CPO: variants seen among roughly 807,000 people sequenced by gnomAD.
CPO encodes carboxypeptidase O.
Under a neutral mutation model 41.2 loss-of-function variants are expected in CPO, and 43 were observed. The ratio of observed to expected loss-of-function variants is 1.04; its 90% CI spans 0.82 to 1.35. The LOEUF is 1.35. Among genes scored for constraint, CPO ranks in the 40% most tolerant of loss-of-function variants. The pLI is 0.00. For synonymous variants in CPO, 178 were observed against 162.7 expected (o/e 1.09, Z -0.72); for missense variants, 408 against 451.7 (o/e 0.90, Z 0.88).
chr2:206,969,333 T>C lies in CPO; in HGVS notation c.1022T>C (p.Leu341Pro). The C allele has an allele frequency of 6.2e-7, 1 of 1,614,066 alleles. No individual in the cohort carries two copies. The highest frequency in any genetic ancestry group is 8.5e-7 in the Non-Finnish European group (1 of 1,180,002). ...ACCATGGAGGCTGTGCTGTCAGTCC[T>C]GGATGATGTGTATGCGAAACACTGG... Reference protein sequence around the residue: ...EETMEAVLSVLDDVYAKHWHS... With the variant: ...EETMEAVLSVPDDVYAKHWHS... Residue 341 changes from leucine to proline, a missense_variant, in exon 9 of 9, where the codon CTG (leucine) becomes CCG (proline). Transcript: ENST00000272852.
intron 5 of CPO, among the ~76,000 whole-genome samples, chr2:206,960,007 AT>A (rs1211384105): frequency 6.6e-6 from 1 of 152,100 alleles, no homozygotes; most frequent in Non-Finnish European, 1.5e-5. Context: ...CATCTTCTTA[AT>A]GTTTGTGGAT....
At chr2:206,959,817 C>A in intron 5 of CPO, 76 bp downstream of exon 5, 1 of 687,304 alleles carries the variant, frequency 1.5e-6, no homozygotes. Context: ...CCAATGTTAT[C>A]CATTCCGGCT....
chr2:206,967,455 G>C (rs1693603382), intron 7 of CPO, among the ~76,000 whole-genome samples: 1 of 151,934 alleles, frequency 6.6e-6, no homozygotes, highest in South Asian at 2.1e-4. Flanking sequence ...ACAGCTATGG[G>C]GATTCAAAGT....
intron 6 of CPO, 69 bp downstream of exon 6, chr2:206,961,011 T>A: frequency 1.8e-6 from 2 of 1,093,574 alleles, no homozygotes; most frequent in Non-Finnish European, 2.8e-6. Context: ...GGTGAATTAC[T>A]AAATGTATAA....
intron 8 of CPO, 63 bp from the exon 9 acceptor site, chr2:206,969,111 G>A: frequency 6.5e-7 from 1 of 1,529,274 alleles, no homozygotes; most frequent in South Asian, 1.1e-5. Context: ...TCCTGAAATG[G>A]CTATAGAAAT....
At chr2:206,946,691 G>T (rs1693152308) in intron 1 of CPO, among the ~76,000 whole-genome samples, 1 of 151,738 alleles carries the variant, frequency 6.6e-6, no homozygotes, top group African/African-American at 2.4e-5. Flanking sequence ...AAGATGACAT[G>T]ATTATCAATG....
At chr2:206,942,213 G>A (rs924505432) in intron 1 of CPO, among the ~76,000 whole-genome samples, 2 of 151,818 alleles carry the variant, frequency 1.3e-5, no homozygotes, top group Non-Finnish European at 2.9e-5. Context: ...ACAAAGAAAC[G>A]AATACAAAAT....
intron 6 of CPO, among the ~76,000 whole-genome samples, chr2:206,961,937 C>T (rs1346188307): frequency 1.4e-5 from 2 of 140,100 alleles, no homozygotes; most frequent in African/African-American, 2.6e-5. Flanking sequence ...CTAAAAATAC[C>T]AAAAAAAAAA....
chr2:206,958,887 A>G (rs1390044210), intron 4 of CPO, among the ~76,000 whole-genome samples: 1 of 151,736 alleles, frequency 6.6e-6, no homozygotes, highest in African/African-American at 2.4e-5. Flanking sequence ...GATTACAGGC[A>G]TGCACCACCA....
chr2:206,944,290 A>T (rs1255921665), intron 1 of CPO, among the ~76,000 whole-genome samples: 2 of 152,032 alleles, frequency 1.3e-5, no homozygotes, highest in African/African-American at 4.8e-5. Context: ...GTATGTTAAG[A>T]ATGAATTTTT....
In CPO at chr2:206,939,595, G is replaced by A. The variant is rs949754900; in HGVS notation, c.-5G>A. Reference sequence around the variant, plus strand: ...CCAGAATTTTCTAACTTACTGTGTGGCAGAATGAAGCCTCTGCTTGAAACC... The same window carrying A: ...CCAGAATTTTCTAACTTACTGTGTGACAGAATGAAGCCTCTGCTTGAAACC... On this transcript the variant is annotated 5_prime_UTR_variant, in exon 1 of 9. Transcript: ENST00000272852. The A allele has an allele frequency of 6.2e-6, 10 of 1,610,192 alleles. No homozygotes were observed. In the Admixed American group the frequency reaches 1.5e-4, roughly 24 times the overall value.
rs771821625 is a variant in CPO, at chr2:206,955,471, G to A, written c.174G>A (p.Glu58=). The A allele has an allele frequency of 7.5e-6, 12 of 1,605,206 alleles. No individual in the cohort carries two copies. The highest frequency in any genetic ancestry group is 1.0e-5 in the Non-Finnish European group (12 of 1,171,810). Residue 58 remains glutamate, a synonymous_variant, in exon 3 of 9, where the codon GAG becomes GAA. Coordinates refer to ENST00000272852, the MANE Select transcript of CPO (RefSeq NM_173077.3). The part of the protein sequence containing the change: ...NIYHPMGEIY[E]WMREISEKYK... ...CTCCCTTGCTGTTTCAGATCTATGA[G>A]TGGATGAGAGAGATCAGTGAGAAGT...
intron 2 of CPO, 35 bp from the exon 3 acceptor site, chr2:206,955,428 C>A: frequency 8.2e-7 from 1 of 1,220,634 alleles, no homozygotes; most frequent in Non-Finnish European, 1.2e-6. Context: ...AACAATCTTC[C>A]TACTGATAGC....
chr2:206,944,750 T>C (rs887383733), intron 1 of CPO, among the ~76,000 whole-genome samples: 3 of 152,064 alleles, frequency 2.0e-5, no homozygotes, highest in African/African-American at 7.2e-5. Flanking sequence ...ATAATAAATC[T>C]AACTCTAAGT....
intron 7 of CPO, among the ~76,000 whole-genome samples, chr2:206,965,253 A>G (rs1693550724): frequency 6.6e-6 from 1 of 152,184 alleles, no homozygotes; most frequent in African/African-American, 2.4e-5. Context: ...TGAATATTTT[A>G]CTACCACACG....
In CPO at chr2:206,939,529, G is replaced by A. The variant is rs1692989964; in HGVS notation, c.-71G>A. 4.2e-6 allele frequency: 5 copies of A among 1,178,846 alleles called. No homozygotes were observed. Among genetic ancestry groups the A allele is most frequent in the Non-Finnish European group, 6.3e-6 (5 of 789,952 alleles). The allele number at this position is 1,178,846 out of a possible 1,614,324, so 73.0% of individuals were successfully genotyped here. On this transcript the variant is annotated 5_prime_UTR_variant, in exon 1 of 9. The change abolishes an upstream ATG in the 5' untranslated region. Transcript: ENST00000272852. ...TGATTGTGGGAGCCACAGTCTTGATGCATTCATTCTCAAGGACACTTGATC... is the reference window on the plus strand; with the variant it reads ...TGATTGTGGGAGCCACAGTCTTGATACATTCATTCTCAAGGACACTTGATC...
At chr2:206,942,570 C>G (rs1693049210) in intron 1 of CPO, among the ~76,000 whole-genome samples, 1 of 152,076 alleles carries the variant, frequency 6.6e-6, no homozygotes, top group Non-Finnish European at 1.5e-5. Context: ...AAAATGCTAT[C>G]AGACCATCAT....
chr2:206,947,834 T>A lies in CPO; in HGVS notation c.69-1783T>A, dbSNP rs200823298. On this transcript the variant is annotated intron_variant, in intron 1 of 8. Coordinates refer to ENST00000272852, the MANE Select transcript of CPO (RefSeq NM_173077.3). ...TCATATGTCACTAGGGAATCACAAA[T>A]TAAAATAAGATGATAATACTTGTTA... Among the ~76,000 whole-genome samples, 6 of 152,128 alleles carry A rather than the reference T, an allele frequency of 3.9e-5. No homozygotes were observed. In the East Asian group the frequency reaches 1.2e-3, roughly 29 times the overall value.
At chr2:206,953,065 G>A (rs1370171194) in intron 2 of CPO, among the ~76,000 whole-genome samples, 1 of 151,992 alleles carries the variant, frequency 6.6e-6, no homozygotes, top group Non-Finnish European at 1.5e-5. Context: ...TGATATCTGG[G>A]GACTATAGAA....
Sources: allele counts gnomAD v4.1 joint callset (sites outside exome capture counted in the v4.1 genomes callset), GRCh38; gene constraint gnomAD v4.1.1; transcripts MANE v1.5; gene names NCBI Gene and HGNC (gene_info 2026-07-23, HGNC 2026-07-21).